USH1C: variants seen among roughly 807,000 people sequenced by gnomAD.
USH1C encodes harmonin.
Under a neutral mutation model 119.3 loss-of-function variants are expected in USH1C, and 90 were observed. The ratio of observed to expected loss-of-function variants is 0.75; its 90% CI spans 0.64 to 0.90. The LOEUF (loss-of-function observed/expected upper bound fraction) is 0.90, where lower values mean the gene tolerates loss of function less well. Ranked by LOEUF, USH1C falls within the 40% of genes least tolerant of loss-of-function variation. USH1C has a pLI of 0.00. For missense variants in USH1C, 1,165 were observed against 1,167.7 expected, an observed-to-expected ratio of 1.00 and a Z score of 0.03; for synonymous variants, 465 against 443.3, an observed-to-expected ratio of 1.05 and a Z score of -0.62.
At chr11:17,500,838 C>A (rs771307396) in intron 23 of USH1C, among the ~76,000 whole-genome samples, 1 of 152,188 alleles carries the variant, frequency 6.6e-6, no homozygotes, top group African/African-American at 2.4e-5. Flanking sequence ...CCTGAGGGCA[C>A]GGTGGCATCT....
chr11:17,502,612 G>A (rs1379686300), intron 20 of USH1C, among the ~76,000 whole-genome samples: 1 of 152,236 alleles, frequency 6.6e-6, no homozygotes, highest in Admixed American at 6.5e-5. Flanking sequence ...CGGAGCGCAG[G>A]TTGGCCCTTT....
intron 16 of USH1C, among the ~76,000 whole-genome samples, chr11:17,511,398 A>G (rs1849885058): frequency 6.6e-6 from 1 of 152,136 alleles, no homozygotes; most frequent in Non-Finnish European, 1.5e-5. Flanking sequence ...TCAGACTCGT[A>G]GACAGGTCAG....
intron 1 of USH1C, among the ~76,000 whole-genome samples, chr11:17,543,416 AC>A (rs34343388): frequency 0.53 from 80,114 of 151,242 alleles, 21,429 homozygotes; most frequent in African/African-American, 0.61. Context: ...GATACCACCC[AC>A]CCCCCCCAAG....
Position 17,501,941 on chromosome 11 carries a change from TAGAGTAGGGGTCAAAG to T in USH1C, c.2208_2223del (p.Phe737CysfsTer23). ...AGGAGAGAAGCGTCATCTCTTACCA[TAGAGTAGGGGTCAAAG>T]CCTTCCTCATATTTCCGGAAATCCT... On this transcript the variant is annotated frameshift_variant, in exon 21 of 27. Coordinates refer to ENST00000005226, the MANE Select transcript of USH1C (RefSeq NM_153676.4). LOFTEE classifies it high-confidence loss of function. 1 of 1,613,422 alleles carries T rather than the reference TAGAGTAGGGGTCAAAG, an allele frequency of 6.2e-7. No individual in the cohort carries two copies. The highest frequency in any genetic ancestry group is 2.2e-5 in the East Asian group (1 of 44,846).
At chr11:17,529,131 C>T (rs1053174621) in intron 4 of USH1C, among the ~76,000 whole-genome samples, 9 of 123,208 alleles carry the variant, frequency 7.3e-5, no homozygotes, top group Non-Finnish European at 1.6e-4. Flanking sequence ...ATCCTTGCCA[C>T]CTGTCAGAGC....
At chr11:17,497,743 TC>T (rs1849294334) in intron 24 of USH1C, among the ~76,000 whole-genome samples, 1 of 152,232 alleles carries the variant, frequency 6.6e-6, no homozygotes, top group Non-Finnish European at 1.5e-5. Context: ...GTGGCCGTGA[TC>T]CAGGTGGGTG....
chr11:17,525,533 G>C (rs1308050040), intron 8 of USH1C, among the ~76,000 whole-genome samples: 2 of 152,224 alleles, frequency 1.3e-5, no homozygotes, highest in African/African-American at 4.8e-5. Context: ...CATTTATAGA[G>C]GGAGAAACTG....
intron 23 of USH1C, among the ~76,000 whole-genome samples, chr11:17,500,205 G>T (rs543415803): frequency 6.6e-6 from 1 of 152,328 alleles, no homozygotes; most frequent in Non-Finnish European, 1.5e-5. Flanking sequence ...GAGAGACACA[G>T]GGTATGGGGG....
At chr11:17,533,566 G>A (rs1851093953) in intron 1 of USH1C, 5 of 612,746 alleles carry the variant, frequency 8.2e-6, no homozygotes, top group African/African-American at 3.6e-5. Flanking sequence ...GGCACCCTTT[G>A]TCCCCAGGTG....
At chr11:17,518,465 T>C (rs1372523616) in intron 14 of USH1C, among the ~76,000 whole-genome samples, 1 of 152,162 alleles carries the variant, frequency 6.6e-6, no homozygotes, top group Non-Finnish European at 1.5e-5. Context: ...AGGCTGCCCC[T>C]GGCAACTCCT....
intron 1 of USH1C, among the ~76,000 whole-genome samples, chr11:17,540,271 T>C (rs529628539): frequency 6.6e-6 from 1 of 152,340 alleles, no homozygotes; most frequent in Admixed American, 6.5e-5. Flanking sequence ...ACATAGACAG[T>C]GCCCTTCATC....
intron 11 of USH1C, 131 bp from the exon 12 acceptor site, chr11:17,523,057 C>T: frequency 1.3e-6 from 2 of 1,578,450 alleles, no homozygotes. Context: ...AATCCCTGAC[C>T]CAAACTTCTT....
At chr11:17,539,231 A>G (rs1466521905) in intron 1 of USH1C, among the ~76,000 whole-genome samples, 1 of 151,018 alleles carries the variant, frequency 6.6e-6, no homozygotes, top group Admixed American at 6.6e-5. Context: ...TTTGTCCCCA[A>G]CTCTGCCATG....
rs549758189 is a variant in USH1C at position 17,531,217 on chromosome 11, A to G, written c.324T>C (p.Phe108=). ...GGTGGGAGATGAAGAGCCCACAGCC[A>G]AACTCCAGGCCACCACGCACACTCA... The part of the protein sequence containing the change: ...LGLSVRGGLE[F]GCGLFISHLI... The change falls in exon 4 of 27, where the codon TTT becomes TTC. Residue 108 remains phenylalanine, a synonymous_variant. Coordinates refer to ENST00000005226, the MANE Select transcript of USH1C (RefSeq NM_153676.4). The surrounding 1 kb of genome is among the most constrained non-coding windows in gnomAD (Gnocchi z 4.2). The G allele has an allele frequency of 4.2e-4, 672 of 1,614,114 alleles. 15 individuals carry two copies. The South Asian group carries it at 7.2e-3, about 17-fold the overall frequency.
At chr11:17,540,348 C>T (rs773885249) in intron 1 of USH1C, among the ~76,000 whole-genome samples, 16 of 152,074 alleles carry the variant, frequency 1.1e-4, no homozygotes, top group Non-Finnish European at 1.9e-4. Context: ...ACAGCAATCA[C>T]GCCCTGCTTC....
chr11:17,499,530 C>T (rs1213594632), intron 23 of USH1C, among the ~76,000 whole-genome samples: 1 of 152,190 alleles, frequency 6.6e-6, no homozygotes. Flanking sequence ...AGTCACCCAT[C>T]CATCCTGGTC....
chr11:17,509,408 C>T lies in USH1C; in HGVS notation c.1961G>A (p.Gly654Glu), dbSNP rs1316733099. The change falls in exon 18 of 27, where the codon GGG (glycine) becomes GAG (glutamate). Residue 654 changes from glycine to glutamate, a missense_variant. Gly to Glu is a moderately conservative substitution (Grantham distance 98). Transcript: ENST00000005226. Reference sequence around the variant, plus strand: ...AGGGACAGGGGAGTTAGTGGGCTTCCCACTGTGGTTCTTTGCCTCCCAGTC... The same window carrying T: ...AGGGACAGGGGAGTTAGTGGGCTTCTCACTGTGGTTCTTTGCCTCCCAGTC... The part of the protein sequence containing the change: ...VEDWEAKNHS[G>E]KPTNSPVPEQ... 1 of 1,602,594 alleles carries T rather than the reference C, an allele frequency of 6.2e-7. No individual in the cohort carries two copies.
Position 17,531,096 on chromosome 11 carries a change from G to A in USH1C, c.387+58C>T, listed in dbSNP as rs1850945594. On this transcript the variant is annotated intron_variant, in intron 4 of 26. Coordinates refer to ENST00000005226, the MANE Select transcript of USH1C (RefSeq NM_153676.4). The surrounding 1 kb of genome is among the most constrained non-coding windows in gnomAD (Gnocchi z 4.2). ...GCCACACAGCCTAGTGGATGAATGA[G>A]GGGGAGGCAGGAGGTCCGAGGCCCT... 13 of 1,611,580 alleles carry A rather than the reference G, an allele frequency of 8.1e-6. No homozygotes were observed. Among genetic ancestry groups the A allele is most frequent in the Non-Finnish European group, 1.0e-5 (12 of 1,179,366 alleles).
Position 17,527,306 on chromosome 11 carries a change from T to C in USH1C, c.413A>G (p.Asn138Ser), listed in dbSNP as rs761149947. 13 of 1,612,944 alleles carry C rather than the reference T, an allele frequency of 8.1e-6. No individual in the cohort carries two copies. Among genetic ancestry groups the C allele is most frequent in the African/African-American group, 4.0e-5 (3 of 74,806 alleles). The change falls in exon 5 of 27, where the codon AAT becomes AGT. Residue 138 changes from asparagine (N) to serine (S), a missense_variant. Physicochemically the swap from Asn to Ser is conservative, Grantham distance 46. Transcript: ENST00000005226. ...LQVGDEIVRINGYSISSCTHE... is the reference protein window; with the variant it reads ...LQVGDEIVRISGYSISSCTHE... ...GGTACAGGAGGAGATGGAATATCCA[T>C]TGATCCGGACGATCTCGTCCCCTAC...
Sources: gnomAD v4.1 joint callset for allele counts (sites outside exome capture counted in the v4.1 genomes callset) on GRCh38, gnomAD v4.1.1 for gene constraint, Gnocchi (gnomAD v3.1) non-coding constraint, MANE v1.5 for transcripts, NCBI Gene and HGNC (gene_info 2026-07-23, HGNC 2026-07-21) for gene names.